RALYL: variants seen among roughly 807,000 people sequenced by gnomAD.
RALYL encodes the protein RNA-binding Raly-like protein.
A neutral mutation model predicts 35.1 loss-of-function variants in RALYL; 29 were observed. That is an observed-to-expected ratio of 0.83 (90% CI 0.61 to 1.13). The LOEUF is 1.13. Ranked by LOEUF, RALYL falls within the 50% of genes most tolerant of loss-of-function variation. The probability of loss-of-function intolerance (pLI) is 0.00; values close to 1 mark genes in which losing one functional copy is unlikely to be tolerated. For synonymous variants in RALYL, 120 were observed against 127.6 expected (o/e 0.94, Z 0.40); for missense variants, 359 against 360.4 (o/e 1.00, Z 0.03).
chr8:84,878,579 T>C (rs1316192004), intron 7 of RALYL, among the ~76,000 whole-genome samples: 1 of 142,368 alleles, frequency 7.0e-6, no homozygotes, highest in African/African-American at 2.6e-5. Flanking sequence ...GAAACAAACA[T>C]ATACAGGAAG....
intron 2 of RALYL, among the ~76,000 whole-genome samples, chr8:84,554,555 A>T (rs1208316786): frequency 1.3e-5 from 2 of 152,198 alleles, no homozygotes; most frequent in Non-Finnish European, 1.5e-5. Flanking sequence ...AATGTCAAAG[A>T]GATGGAGACA....
intron 2 of RALYL, among the ~76,000 whole-genome samples, chr8:84,671,334 G>T (rs886885161): frequency 6.6e-6 from 1 of 152,072 alleles, no homozygotes; most frequent in East Asian, 1.9e-4. Context: ...GTAAACTGTT[G>T]GTGGATCTAC....
At chr8:84,626,787 ATT>A (rs1305759685) in intron 2 of RALYL, among the ~76,000 whole-genome samples, 2 of 152,174 alleles carry the variant, frequency 1.3e-5, no homozygotes, top group Non-Finnish European at 2.9e-5. Context: ...GCTGCATTCT[ATT>A]TTGTGTATGA....
chr8:84,560,999 C>T (rs1003733786), intron 2 of RALYL, among the ~76,000 whole-genome samples: 2 of 151,954 alleles, frequency 1.3e-5, no homozygotes, highest in East Asian at 3.9e-4. Context: ...CACTGAAATC[C>T]TAGAAGTTTG....
chr8:84,440,339 T>C (rs2048201798), intron 1 of RALYL, among the ~76,000 whole-genome samples: 1 of 152,080 alleles, frequency 6.6e-6, no homozygotes, highest in South Asian at 2.1e-4. Context: ...AGAGACAAAA[T>C]GGTGAAGTGA....
At chr8:84,757,377 T>A (rs1417550034) in intron 2 of RALYL, among the ~76,000 whole-genome samples, 1 of 152,052 alleles carries the variant, frequency 6.6e-6, no homozygotes, top group Non-Finnish European at 1.5e-5. Flanking sequence ...ACAAGTACAG[T>A]TTTTCCTGTT....
At chr8:84,859,190 G>A (rs984964618) in intron 5 of RALYL, among the ~76,000 whole-genome samples, 1 of 152,124 alleles carries the variant, frequency 6.6e-6, no homozygotes, top group Non-Finnish European at 1.5e-5. Flanking sequence ...TACACCCTAT[G>A]TATATTAAGT....
chr8:84,291,981 A>G (rs930769707), intron 1 of RALYL, among the ~76,000 whole-genome samples: 6 of 150,870 alleles, frequency 4.0e-5, no homozygotes, highest in African/African-American at 1.2e-4. Flanking sequence ...TATATTAGCT[A>G]TATATGGAAT....
intron 2 of RALYL, among the ~76,000 whole-genome samples, chr8:84,616,414 A>G (rs1258798811): frequency 1.3e-4 from 20 of 150,070 alleles, no homozygotes; most frequent in African/African-American, 4.7e-4. Flanking sequence ...GTGTCTGTTC[A>G]TGTCCTTTGC....
intron 1 of RALYL, among the ~76,000 whole-genome samples, chr8:84,220,576 A>G (rs973479049): frequency 1.4e-4 from 22 of 152,058 alleles, no homozygotes; most frequent in African/African-American, 5.1e-4. Flanking sequence ...CCAATTTCCA[A>G]ATGTCTTCCT....
chr8:84,876,536 G>GACCAAA (rs1841179640), intron 7 of RALYL, among the ~76,000 whole-genome samples: 1 of 148,220 alleles, frequency 6.7e-6, no homozygotes, highest in Non-Finnish European at 1.5e-5. Flanking sequence ...GATGTTAAGT[G>GACCAAA]AACAAAAACA....
At chr8:84,876,781 C>T (rs1210409601) in intron 7 of RALYL, among the ~76,000 whole-genome samples, 2 of 152,120 alleles carry the variant, frequency 1.3e-5, no homozygotes, top group Admixed American at 6.6e-5. Context: ...GTTAGACTTA[C>T]GTCTTAGAGA....
intron 1 of RALYL, among the ~76,000 whole-genome samples, chr8:84,467,491 C>T (rs534854730): frequency 2.1e-3 from 322 of 151,832 alleles, no homozygotes; most frequent in African/African-American, 7.3e-3. Context: ...AGTTTGATTG[C>T]ACTGTGGTCT....
intron 1 of RALYL, among the ~76,000 whole-genome samples, chr8:84,328,897 T>A (rs1368073102): frequency 6.6e-6 from 1 of 152,208 alleles, no homozygotes; most frequent in Non-Finnish European, 1.5e-5. Context: ...ATTAGGATGA[T>A]GGCCTCTAGC....
At chr8:84,492,400 A>T (rs2055430584) in intron 1 of RALYL, among the ~76,000 whole-genome samples, 1 of 152,128 alleles carries the variant, frequency 6.6e-6, no homozygotes, top group Non-Finnish European at 1.5e-5. Context: ...ACTGTATCAT[A>T]TCCATGTTCC....
At chr8:84,219,090 G>C (rs35987566) in intron 1 of RALYL, among the ~76,000 whole-genome samples, 35,931 of 151,848 alleles carry the variant, frequency 0.24, 4,755 homozygotes, top group Non-Finnish European at 0.31. Flanking sequence ...AAAAAAATAC[G>C]TACAAGAAAA....
chr8:84,915,869 A>C (rs1287166518), intron 8 of RALYL, among the ~76,000 whole-genome samples: 1 of 152,098 alleles, frequency 6.6e-6, no homozygotes, highest in Non-Finnish European at 1.5e-5. Flanking sequence ...AATGAAATGT[A>C]CTCCAGAAAC....
chr8:84,510,580 G>T (rs2057526912), intron 1 of RALYL, among the ~76,000 whole-genome samples: 1 of 152,120 alleles, frequency 6.6e-6, no homozygotes, highest in Non-Finnish European at 1.5e-5. Flanking sequence ...GGAGGCCGAG[G>T]TGGGCGGATC....
chr8:84,503,083 T>G (rs1232449843), intron 1 of RALYL, among the ~76,000 whole-genome samples: 1 of 152,060 alleles, frequency 6.6e-6, no homozygotes, highest in Non-Finnish European at 1.5e-5. Context: ...GTATTAAAAA[T>G]TCCAGAGCAA....
Sources: allele counts gnomAD v4.1 joint callset (sites outside exome capture counted in the v4.1 genomes callset), GRCh38; gene constraint gnomAD v4.1.1; transcripts MANE v1.5; gene names NCBI Gene and HGNC (gene_info 2026-07-23, HGNC 2026-07-21).